SLC35F3: variants seen among roughly 807,000 people sequenced by gnomAD.
SLC35F3 encodes the protein solute carrier family 35 member F3.
Under a neutral mutation model 49.9 loss-of-function variants are expected in SLC35F3, and 25 were observed. The observed-to-expected ratio is 0.50, with a 90% CI of 0.37 to 0.70. The LOEUF (loss-of-function observed/expected upper bound fraction) is 0.70. SLC35F3 is among the 30% of genes least tolerant of loss of function. The probability of loss-of-function intolerance (pLI) is 0.00; values close to 1 mark genes in which losing one functional copy is unlikely to be tolerated. For synonymous variants in SLC35F3, 275 were observed against 265.4 expected (o/e 1.04, Z -0.35); for missense variants, 525 against 639.8 (o/e 0.82, Z 1.94).
chr1:234,287,167 C>T (rs1668435405), intron 3 of SLC35F3, among the ~76,000 whole-genome samples: 1 of 151,982 alleles, frequency 6.6e-6, no homozygotes, highest in African/African-American at 2.4e-5. Flanking sequence ...CCACTGCACT[C>T]CAGCCTGGGC....
chr1:233,927,458 C>T (rs1040710947), intron 2 of SLC35F3, among the ~76,000 whole-genome samples: 2 of 152,054 alleles, frequency 1.3e-5, no homozygotes, highest in Non-Finnish European at 2.9e-5. Context: ...ATGCTAAACT[C>T]TCTCATTCTA....
At chr1:234,106,965 T>G (rs1665293570) in intron 2 of SLC35F3, among the ~76,000 whole-genome samples, 1 of 152,270 alleles carries the variant, frequency 6.6e-6, no homozygotes, top group Non-Finnish European at 1.5e-5. Context: ...TTAAGTCACT[T>G]TTTAATCATC....
At chr1:234,257,755 C>G (rs1218027656) in intron 3 of SLC35F3, among the ~76,000 whole-genome samples, 1 of 152,060 alleles carries the variant, frequency 6.6e-6, no homozygotes, top group Admixed American at 6.6e-5. Flanking sequence ...TAAAATCAAG[C>G]AAAACTAATA....
Position 234,214,200 on chromosome 1 carries a change from T to G in SLC35F3, c.284-17217T>G, listed in dbSNP as rs796486465. ...TGAGCTGCGGGGTGGGAGCAGGGAG[T>G]GCACTTGTACGTGACGTTGGAGTTT... On this transcript the variant is annotated intron_variant, in intron 2 of 7. Transcript: ENST00000366618. This position sits in a 1 kb window ranked among gnomAD's most constrained non-coding sequence, Gnocchi z 8.0. 2.5e-5 allele frequency: 29 copies of G among 1,147,600 alleles called. No individual in the cohort carries two copies. In the African/African-American group the frequency reaches 4.2e-4, roughly 17 times the overall value. The allele number at this position is 1,147,600 out of a possible 1,614,324, so 71.1% of individuals were successfully genotyped here. A position where few individuals can be genotyped will look rare whatever the true frequency, so the allele number is the denominator to read the frequency against.
intron 3 of SLC35F3, among the ~76,000 whole-genome samples, chr1:234,252,500 A>G (rs918435497): frequency 2.0e-5 from 3 of 152,266 alleles, no homozygotes; most frequent in Admixed American, 1.3e-4. Flanking sequence ...TGTGTAACGC[A>G]TATGATAAAC....
intron 2 of SLC35F3, among the ~76,000 whole-genome samples, chr1:234,049,726 G>A (rs1420755615): frequency 6.6e-6 from 1 of 152,088 alleles, no homozygotes; most frequent in East Asian, 1.9e-4. Flanking sequence ...CCATGTTGGT[G>A]TGCTGCACCC....
At chr1:234,265,275 C>T (rs1667962911) in intron 3 of SLC35F3, among the ~76,000 whole-genome samples, 1 of 152,214 alleles carries the variant, frequency 6.6e-6, no homozygotes, top group Non-Finnish European at 1.5e-5. Context: ...TACAGCAGCA[C>T]CATTCTTGCA....
At chr1:233,995,248 G>T (rs769664405) in intron 2 of SLC35F3, among the ~76,000 whole-genome samples, 5 of 152,158 alleles carry the variant, frequency 3.3e-5, no homozygotes, top group Non-Finnish European at 7.3e-5. Context: ...TTTTTCCAGA[G>T]GACAGAGGCA....
intron 2 of SLC35F3, among the ~76,000 whole-genome samples, chr1:234,152,824 A>G (rs759583629): frequency 1.7e-4 from 26 of 152,322 alleles, no homozygotes; most frequent in Non-Finnish European, 2.9e-4. Flanking sequence ...CAATAGTTGA[A>G]CTAATTTATA....
At chr1:234,191,528 C>T (rs1349825544) in intron 2 of SLC35F3, among the ~76,000 whole-genome samples, 1 of 151,902 alleles carries the variant, frequency 6.6e-6, no homozygotes, top group East Asian at 1.9e-4. Context: ...TAAGACCACA[C>T]CTCAAGGAAC....
At chr1:234,185,488 C>T (rs943141339) in intron 2 of SLC35F3, among the ~76,000 whole-genome samples, 4 of 152,152 alleles carry the variant, frequency 2.6e-5, no homozygotes, top group Admixed American at 2.0e-4. Context: ...ATTTATTATT[C>T]ATTAATTAGT....
chr1:234,257,922 G>A (rs56879641), intron 3 of SLC35F3, among the ~76,000 whole-genome samples: 13 of 152,224 alleles, frequency 8.5e-5, no homozygotes, highest in Admixed American at 2.6e-4. Flanking sequence ...TAAATGTCCA[G>A]TGTAGGTTGG....
At chr1:234,145,818 C>T (rs1237484056) in intron 2 of SLC35F3, among the ~76,000 whole-genome samples, 1 of 152,162 alleles carries the variant, frequency 6.6e-6, no homozygotes, top group Non-Finnish European at 1.5e-5. Context: ...CCCAGGGATA[C>T]CATGGGACAA....
chr1:234,059,088 A>T (rs1283468760), intron 2 of SLC35F3, among the ~76,000 whole-genome samples: 1 of 152,070 alleles, frequency 6.6e-6, no homozygotes, highest in African/African-American at 2.4e-5. Context: ...TAGCTACTAA[A>T]AGTTTGTTAA....
intron 2 of SLC35F3, among the ~76,000 whole-genome samples, chr1:234,091,623 T>C (rs1414761545): frequency 6.6e-6 from 1 of 152,220 alleles, no homozygotes; most frequent in East Asian, 1.9e-4. Flanking sequence ...ACAACTCTTA[T>C]TAATTTGGTT....
At chr1:234,062,245 T>C (rs1225319813) in intron 2 of SLC35F3, among the ~76,000 whole-genome samples, 1 of 152,206 alleles carries the variant, frequency 6.6e-6, no homozygotes, top group African/African-American at 2.4e-5. Flanking sequence ...GTTTCTGATG[T>C]TATTCTTTGG....
At chr1:234,050,398 G>A (rs1664358304) in intron 2 of SLC35F3, among the ~76,000 whole-genome samples, 1 of 152,202 alleles carries the variant, frequency 6.6e-6, no homozygotes, top group South Asian at 2.1e-4. Flanking sequence ...GTGATGATGA[G>A]CATTTTTTCA....
At chr1:234,053,079 A>C (rs1163217862) in intron 2 of SLC35F3, among the ~76,000 whole-genome samples, 15 of 152,208 alleles carry the variant, frequency 9.9e-5, no homozygotes, top group Non-Finnish European at 1.8e-4. Context: ...ATTATGGAAT[A>C]AGTGTGATGT....
chr1:234,151,035 A>G (rs1666068750), intron 2 of SLC35F3, among the ~76,000 whole-genome samples: 1 of 152,212 alleles, frequency 6.6e-6, no homozygotes, highest in Admixed American at 6.5e-5. Context: ...AGAAGGACTG[A>G]AGGATCCAGA....
Sources: allele counts gnomAD v4.1 joint callset (sites outside exome capture counted in the v4.1 genomes callset), GRCh38; gene constraint gnomAD v4.1.1; non-coding constraint Gnocchi (gnomAD v3.1); transcripts MANE v1.5; gene names NCBI Gene and HGNC (gene_info 2026-07-23, HGNC 2026-07-21).